Variants in GRID1 observed in about 807,000 individuals in gnomAD.
GRID1 encodes the protein glutamate ionotropic receptor delta type subunit 1.
GRID1 carries 28 observed loss-of-function variants against 98.0 expected under a neutral mutation model. That is an observed-to-expected ratio of 0.29 (90% CI 0.21 to 0.39). The LOEUF (loss-of-function observed/expected upper bound fraction) is 0.39, where lower values mean the gene tolerates loss of function less well. Among genes scored for constraint, GRID1 ranks in the 10% least tolerant of loss-of-function variants. GRID1 has a pLI of 1.00. For missense variants in GRID1, 1,111 were observed against 1,340.5 expected (o/e 0.83, Z 2.67); for synonymous variants, 553 against 538.5 (o/e 1.03, Z -0.37).
At chr10:85,802,521 C>T (rs1226745440) in intron 8 of GRID1, among the ~76,000 whole-genome samples, 4 of 151,914 alleles carry the variant, frequency 2.6e-5, no homozygotes, top group East Asian at 1.9e-4. Context: ...AATGCTTATT[C>T]GTAACCTTTT....
chr10:86,223,712 C>A (rs1015828263), intron 2 of GRID1, among the ~76,000 whole-genome samples: 10 of 152,264 alleles, frequency 6.6e-5, no homozygotes, highest in Admixed American at 1.3e-4. Context: ...CAATCCCCAG[C>A]CCAGCTTGGG....
intron 8 of GRID1, among the ~76,000 whole-genome samples, chr10:85,780,783 C>A (rs1842374475): frequency 6.6e-6 from 1 of 152,230 alleles, no homozygotes; most frequent in Non-Finnish European, 1.5e-5. Context: ...AATATCAATG[C>A]TTAATCATGG....
chr10:86,273,911 G>A (rs1847226681), intron 2 of GRID1, among the ~76,000 whole-genome samples: 1 of 151,730 alleles, frequency 6.6e-6, no homozygotes, highest in Admixed American at 6.6e-5. Flanking sequence ...AAGCTCTTTA[G>A]TTTAATTAGA....
At chr10:85,747,290 G>C (rs904698577) in intron 8 of GRID1, among the ~76,000 whole-genome samples, 11 of 152,056 alleles carry the variant, frequency 7.2e-5, no homozygotes, top group Non-Finnish European at 1.5e-4. Context: ...AGAAATAAAG[G>C]AAAGGCAAGC....
At chr10:86,144,190 T>A (rs1428416493) in intron 3 of GRID1, among the ~76,000 whole-genome samples, 1 of 151,702 alleles carries the variant, frequency 6.6e-6, no homozygotes, top group Non-Finnish European at 1.5e-5. Context: ...TTTCCAACAG[T>A]GAGAAGAGCC....
chr10:85,856,600 G>A (rs1318483772), intron 6 of GRID1, among the ~76,000 whole-genome samples: 2 of 152,204 alleles, frequency 1.3e-5, no homozygotes, highest in African/African-American at 4.8e-5. Context: ...AAGAGACAGG[G>A]CCAGGTACAG....
At chr10:86,250,538 C>T (rs974890790) in intron 2 of GRID1, among the ~76,000 whole-genome samples, 2 of 152,236 alleles carry the variant, frequency 1.3e-5, no homozygotes, top group Non-Finnish European at 2.9e-5. Context: ...CTAAGGAATG[C>T]TTAAAAATTG....
At chr10:86,144,160 C>T (rs1370261556) in intron 3 of GRID1, among the ~76,000 whole-genome samples, 1 of 152,092 alleles carries the variant, frequency 6.6e-6, no homozygotes, top group Admixed American at 6.5e-5. Flanking sequence ...AAATCAATAG[C>T]AGGATAGACA....
chr10:86,140,063 C>G (rs987857354), intron 3 of GRID1, among the ~76,000 whole-genome samples: 1 of 152,236 alleles, frequency 6.6e-6, no homozygotes, highest in African/African-American at 2.4e-5. Flanking sequence ...GCCTGTTTCT[C>G]CCGAACTTTC....
chr10:86,132,667 A>G (rs1011988956), intron 4 of GRID1, among the ~76,000 whole-genome samples: 1 of 152,238 alleles, frequency 6.6e-6, no homozygotes. Context: ...ATTTGCATAT[A>G]TCATGTGGGA....
At chr10:85,669,031 A>G (rs1459599435) in intron 12 of GRID1, among the ~76,000 whole-genome samples, 1 of 152,234 alleles carries the variant, frequency 6.6e-6, no homozygotes, top group Non-Finnish European at 1.5e-5. Context: ...TATCCAAGTT[A>G]GAAATCCCCT....
At chr10:85,722,684 T>C (rs569031621) in intron 12 of GRID1, among the ~76,000 whole-genome samples, 1 of 152,330 alleles carries the variant, frequency 6.6e-6, no homozygotes, top group East Asian at 1.9e-4. Context: ...ACTAAATATT[T>C]ATAAAATTTT....
chr10:86,280,982 T>C (rs1414597183), intron 2 of GRID1, among the ~76,000 whole-genome samples: 1 of 152,212 alleles, frequency 6.6e-6, no homozygotes, highest in African/African-American at 2.4e-5. Context: ...CTACCAACCA[T>C]GGGGATCACC....
chr10:85,784,343 G>C (rs1396111416), intron 8 of GRID1, among the ~76,000 whole-genome samples: 2 of 152,170 alleles, frequency 1.3e-5, no homozygotes, highest in African/African-American at 4.8e-5. Context: ...CCTCAGGTGT[G>C]TCCAGGAGGC....
At chr10:86,109,975 T>C (rs1266722769) in intron 4 of GRID1, among the ~76,000 whole-genome samples, 1 of 141,810 alleles carries the variant, frequency 7.1e-6, no homozygotes, top group African/African-American at 2.5e-5. Flanking sequence ...GCCATTCTTT[T>C]TTTTTTTTTT....
intron 2 of GRID1, among the ~76,000 whole-genome samples, chr10:86,223,542 G>A (rs977419888): frequency 6.6e-6 from 1 of 152,206 alleles, no homozygotes; most frequent in Non-Finnish European, 1.5e-5. Context: ...TCACACCCAA[G>A]GCCACTGAAC....
intron 13 of GRID1, among the ~76,000 whole-genome samples, chr10:85,625,786 T>C (rs1165760584): frequency 6.6e-6 from 1 of 152,222 alleles, no homozygotes; most frequent in African/African-American, 2.4e-5. Flanking sequence ...AAGGTTGGGC[T>C]CTATAAAAGA....
intron 2 of GRID1, among the ~76,000 whole-genome samples, chr10:86,325,657 G>T (rs1848038688): frequency 6.6e-6 from 1 of 152,166 alleles, no homozygotes; most frequent in African/African-American, 2.4e-5. Context: ...TGGCTTAAAA[G>T]AACATAACAA....
chr10:85,672,519 G>A (rs970724323), intron 12 of GRID1, among the ~76,000 whole-genome samples: 1 of 152,108 alleles, frequency 6.6e-6, no homozygotes, highest in African/African-American at 2.4e-5. Context: ...TGTTGGTCAG[G>A]ATGGTCTTGA....
Sources: gnomAD v4.1 joint callset for allele counts (sites outside exome capture counted in the v4.1 genomes callset) on GRCh38, gnomAD v4.1.1 for gene constraint, MANE v1.5 for transcripts, NCBI Gene and HGNC (gene_info 2026-07-23, HGNC 2026-07-21) for gene names.